The following LAMC1 variants were observed in gnomAD, a reference collection of about 807,000 sequenced individuals.
LAMC1 encodes the protein laminin subunit gamma 1.
A neutral mutation model predicts 173.6 loss-of-function variants in LAMC1; 38 were observed. The ratio of observed to expected loss-of-function variants is 0.22; its 90% CI spans 0.17 to 0.29. The LOEUF (loss-of-function observed/expected upper bound fraction) is 0.29. Among genes scored for constraint, LAMC1 ranks in the 10% least tolerant of loss-of-function variants. The pLI, the probability that LAMC1 is intolerant of heterozygous loss-of-function variation, is 1.00. For missense variants in LAMC1, 1,824 were observed against 2,051.8 expected (o/e 0.89, Z 2.14); for synonymous variants, 746 against 749.1 (o/e 1.00, Z 0.07).
chr1:183,066,905 G>C (rs577657171), intron 1 of LAMC1, among the ~76,000 whole-genome samples: 1 of 152,230 alleles, frequency 6.6e-6, no homozygotes, highest in East Asian at 1.9e-4. Context: ...TGCACATGTT[G>C]TGTACCTATG....
intron 2 of LAMC1, among the ~76,000 whole-genome samples, chr1:183,107,623 G>T (rs918278437): frequency 1.3e-5 from 2 of 152,188 alleles, no homozygotes; most frequent in Non-Finnish European, 2.9e-5. Flanking sequence ...GAGGTCAGGA[G>T]ATCGAGACCA....
chr1:183,054,493 T>C lies in LAMC1; in HGVS notation c.418+30359T>C, dbSNP rs1451466101. 5.3e-5 allele frequency among the ~76,000 whole-genome samples: 8 copies of C among 152,186 alleles called. No homozygotes were observed. In the East Asian group the frequency reaches 1.2e-3, roughly 22 times the overall value. On this transcript the variant is annotated intron_variant, in intron 1 of 27. Transcript: ENST00000258341. The stretch of plus-strand genomic sequence containing the variant: ...TCCTAAATTTTGGGGTCATTTCCAG[T>C]ATTCTAATGGCAACGATACTATAAC...
At chr1:183,085,656 C>T (rs1279315430) in intron 1 of LAMC1, among the ~76,000 whole-genome samples, 3 of 152,160 alleles carry the variant, frequency 2.0e-5, no homozygotes, top group Non-Finnish European at 4.4e-5. Flanking sequence ...AGGCATAAGC[C>T]AGCATTCCCG....
rs114790316 is a variant in LAMC1, at chr1:183,111,552, C to T, written c.1021+898C>T. On this transcript the variant is annotated intron_variant, in intron 4 of 27. Coordinates refer to ENST00000258341, the MANE Select transcript of LAMC1 (RefSeq NM_002293.4). ...ATGAAAAAAAAGTAAAATGAAAAAA[C>T]TTGAAACATTGTTTATCCCTTCATA... Among the ~76,000 whole-genome samples the T allele has an allele frequency of 4.7e-3, 712 of 152,112 alleles. 5 individuals are homozygous for T. The highest frequency in any genetic ancestry group is 0.015 in the African/African-American group (608 of 41,510).
chr1:183,133,256 G>A, intron 21 of LAMC1, 150 bp from the exon 22 acceptor site: 1 of 701,866 alleles, frequency 1.4e-6, no homozygotes, highest in Non-Finnish European at 2.4e-6. Flanking sequence ...ATGTAAATAT[G>A]CAAAATGTTG....
intron 8 of LAMC1, 154 bp downstream of exon 8, chr1:183,117,057 A>G: frequency 2.5e-6 from 2 of 792,470 alleles, no homozygotes; most frequent in South Asian, 2.1e-5. Context: ...TGGCCTTTTA[A>G]TTTAATGAAA....
chr1:183,034,413 C>T (rs1471883258), intron 1 of LAMC1, among the ~76,000 whole-genome samples: 2 of 152,138 alleles, frequency 1.3e-5, no homozygotes, highest in African/African-American at 4.8e-5. Flanking sequence ...TGGGACTCTA[C>T]AGGTGCATGA....
At chr1:183,035,226 T>C (rs1200653541) in intron 1 of LAMC1, among the ~76,000 whole-genome samples, 1 of 152,256 alleles carries the variant, frequency 6.6e-6, no homozygotes, top group Non-Finnish European at 1.5e-5. Flanking sequence ...TCTTGCTCTG[T>C]CATCCAGGTT....
rs181555424 is a variant in LAMC1, at chr1:183,045,616, C to T, written c.418+21482C>T. On this transcript the variant is annotated intron_variant, in intron 1 of 27. Transcript: ENST00000258341. ...ATTTTTTGTTGTTGTTGTTGTTTTA[C>T]GAATAGAACGCTTCTATGGGCATTC... Among the ~76,000 whole-genome samples, 276 of 152,108 alleles carry T rather than the reference C, an allele frequency of 1.8e-3. 3 individuals are homozygous for T. Among genetic ancestry groups the T allele is most frequent in the African/African-American group, 5.1e-3 (212 of 41,540 alleles).
intron 26 of LAMC1, 104 bp downstream of exon 26, chr1:183,137,931 T>C: frequency 9.7e-7 from 1 of 1,026,360 alleles, no homozygotes; most frequent in East Asian, 2.8e-5. Flanking sequence ...TGACTTCTGT[T>C]TTTCATCACA....
At position 183,033,050 on chromosome 1, in the gene LAMC1, G is replaced by A. The variant is rs191893704; in HGVS notation, c.418+8916G>A. Among the ~76,000 whole-genome samples the A allele has an allele frequency of 3.9e-3, 597 of 152,214 alleles. 5 individuals carry two copies. The highest frequency in any genetic ancestry group is 0.024 in the Middle Eastern group (7 of 294). On this transcript the variant is annotated intron_variant, in intron 1 of 27. Coordinates refer to ENST00000258341, the MANE Select transcript of LAMC1 (RefSeq NM_002293.4). The stretch of plus-strand genomic sequence containing the variant: ...AAAAAAATGAATTAAGAAACTTTCA[G>A]CCAATTGTAGTACACTATAATATAG...
chr1:183,100,958 C>G (rs1020946413), intron 1 of LAMC1, among the ~76,000 whole-genome samples: 1 of 152,176 alleles, frequency 6.6e-6, no homozygotes, highest in Admixed American at 6.5e-5. Flanking sequence ...TAATTGCTTT[C>G]TGGACATTTT....
intron 20 of LAMC1, 135 bp from the exon 21 acceptor site, chr1:183,132,265 C>G (rs1656815923): frequency 1.7e-6 from 1 of 586,256 alleles, no homozygotes; most frequent in East Asian, 3.3e-5. Flanking sequence ...GCACACCAGC[C>G]TGGGTGACAG....
At chr1:183,081,366 G>A (rs1655271003) in intron 1 of LAMC1, among the ~76,000 whole-genome samples, 1 of 151,588 alleles carries the variant, frequency 6.6e-6, no homozygotes, top group African/African-American at 2.4e-5. Context: ...GGGAGGCTGA[G>A]GCAGACGGAT....
In LAMC1 at chr1:183,114,513, G is replaced by C. The variant is rs201611083; in HGVS notation, c.1022-18G>C. ...AAGGTACCCAGATCTGATGTAACTC[G>C]TGTGTTTTGACTGACAGCCTGTGAT... On this transcript the variant is annotated intron_variant, in intron 4 of 27. Coordinates refer to ENST00000258341, the MANE Select transcript of LAMC1 (RefSeq NM_002293.4). 4 of 1,613,268 alleles carry C rather than the reference G, an allele frequency of 2.5e-6. No homozygotes were observed. In the African/African-American group the frequency reaches 4.0e-5, roughly 16 times the overall value.
chr1:183,076,631 C>G (rs1571424546), intron 1 of LAMC1, among the ~76,000 whole-genome samples: 1 of 152,280 alleles, frequency 6.6e-6, no homozygotes, highest in East Asian at 1.9e-4. Context: ...CCTTTGTAGC[C>G]CTTTAGGAAG....
Position 183,144,009 on chromosome 1 carries a change from C to A in LAMC1, c.*1219C>A, listed in dbSNP as rs1428972642. Reference sequence around the variant, plus strand: ...AGTTCCTGCACTTTGTGATTTAAATCCACTCTAAACCTTCCCTCTAAGTGT... The same window carrying A: ...AGTTCCTGCACTTTGTGATTTAAATACACTCTAAACCTTCCCTCTAAGTGT... On this transcript the variant is annotated 3_prime_UTR_variant, in exon 28 of 28. Transcript: ENST00000258341. 1 of 152,498 alleles carries A rather than the reference C, an allele frequency of 6.6e-6. No homozygotes were observed. Among genetic ancestry groups the A allele is most frequent in the South Asian group, 2.1e-4 (1 of 4,822 alleles). The allele number at this position is 152,498 out of a possible 1,614,324, so 9.4% of individuals were successfully genotyped here. A position where few individuals can be genotyped will look rare whatever the true frequency, so the allele number is the denominator to read the frequency against.
At chr1:183,126,309 G>T (rs747718855) in intron 16 of LAMC1, 47 bp downstream of exon 16, 36 of 1,593,708 alleles carry the variant, frequency 2.3e-5, no homozygotes, top group Non-Finnish European at 2.8e-5. Flanking sequence ...ACTAATTCCA[G>T]TTAGTGTCTT....
At chr1:183,070,676 ATAAACT>A (rs1654988108) in intron 1 of LAMC1, among the ~76,000 whole-genome samples, 1 of 152,192 alleles carries the variant, frequency 6.6e-6, no homozygotes, top group Non-Finnish European at 1.5e-5. Context: ...TAAGGAGAAA[ATAAACT>A]TTAATTTAGG....
Sources: gnomAD v4.1 joint callset for allele counts (sites outside exome capture counted in the v4.1 genomes callset) on GRCh38, gnomAD v4.1.1 for gene constraint, MANE v1.5 for transcripts, NCBI Gene and HGNC (gene_info 2026-07-23, HGNC 2026-07-21) for gene names.